The following ZNRF3 variants were observed in gnomAD, a reference collection of about 807,000 sequenced individuals.
The protein encoded by ZNRF3 is E3 ubiquitin-protein ligase ZNRF3.
ZNRF3 carries 23 observed loss-of-function variants against 72.5 expected under a neutral mutation model. The ratio of observed to expected loss-of-function variants is 0.32; its 90% CI spans 0.23 to 0.45. The LOEUF is 0.45. ZNRF3 is among the 20% of genes least tolerant of loss of function. The probability of loss-of-function intolerance (pLI) is 1.00; values close to 1 mark genes in which losing one functional copy is unlikely to be tolerated. For missense variants in ZNRF3, 1,169 were observed against 1,272.1 expected (o/e 0.92, Z 1.23); for synonymous variants, 610 against 545.3 (o/e 1.12, Z -1.65).
intron 1 of ZNRF3, among the ~76,000 whole-genome samples, chr22:28,983,554 C>T (rs537478981): frequency 1.3e-5 from 2 of 152,292 alleles, no homozygotes; most frequent in East Asian, 1.9e-4. Flanking sequence ...CCACATCTGC[C>T]GCTCTCCCAA....
At chr22:29,042,656 C>A (rs978338626) in intron 3 of ZNRF3, 87 bp downstream of exon 3, 2 of 1,193,622 alleles carry the variant, frequency 1.7e-6, no homozygotes, top group East Asian at 2.4e-5. Context: ...GTCATGTCAC[C>A]CTCATCTCAG....
chr22:28,892,161 C>T (rs542228166), intron 1 of ZNRF3, among the ~76,000 whole-genome samples: 10 of 152,328 alleles, frequency 6.6e-5, no homozygotes, highest in East Asian at 1.9e-4. Flanking sequence ...AAACTTACCA[C>T]GAGTGCTACA....
chr22:29,007,443 C>T (rs1268437983), intron 2 of ZNRF3, among the ~76,000 whole-genome samples: 1 of 152,054 alleles, frequency 6.6e-6, no homozygotes, highest in African/African-American at 2.4e-5. Context: ...TCAAGACCAG[C>T]CTGGGAAACA....
At chr22:28,951,859 G>A (rs2035166846) in intron 1 of ZNRF3, among the ~76,000 whole-genome samples, 1 of 152,336 alleles carries the variant, frequency 6.6e-6, no homozygotes, top group Non-Finnish European at 1.5e-5. Context: ...TGGAAAGATG[G>A]ATAGAGATGG....
intron 1 of ZNRF3, among the ~76,000 whole-genome samples, chr22:28,924,686 A>G (rs570474755): frequency 9.6e-4 from 146 of 152,286 alleles, no homozygotes; most frequent in African/African-American, 3.4e-3. Flanking sequence ...ACAGTGAACT[A>G]TGATTGCATC....
rs541809406 is a variant in ZNRF3, at chr22:28,995,561, G to A, written c.426+8360G>A. Among the ~76,000 whole-genome samples the A allele has an allele frequency of 5.3e-5, 8 of 152,350 alleles. No homozygotes were observed. The East Asian group carries it at 5.8e-4, about 11-fold the overall frequency. On this transcript the variant is annotated intron_variant, in intron 2 of 8. Transcript: ENST00000544604. ...AACTCAGGAAGAATCCAGGAAGGGG[G>A]CAGTCACCTTATGATGATGAATGGG...
intron 1 of ZNRF3, among the ~76,000 whole-genome samples, chr22:28,939,586 A>C (rs561233894): frequency 1.3e-5 from 2 of 151,984 alleles, no homozygotes; most frequent in South Asian, 2.1e-4. Context: ...CAGTCTTTGC[A>C]TCCTCAGAGC....
At chr22:28,968,780 G>A (rs752175137) in intron 1 of ZNRF3, among the ~76,000 whole-genome samples, 2 of 152,146 alleles carry the variant, frequency 1.3e-5, no homozygotes, top group South Asian at 2.1e-4. Flanking sequence ...CCCCAGTGTC[G>A]ATTTTGTTGG....
At chr22:28,973,953 C>CTTTTTTTT (rs553300044) in intron 1 of ZNRF3, among the ~76,000 whole-genome samples, 3 of 111,470 alleles carry the variant, frequency 2.7e-5, no homozygotes, top group Non-Finnish European at 3.7e-5. Context: ...CTCTCTCTCT[C>CTTTTTTTT]TTTTTTTTTT....
At chr22:28,925,351 G>A (rs1001056054) in intron 1 of ZNRF3, among the ~76,000 whole-genome samples, 1 of 152,136 alleles carries the variant, frequency 6.6e-6, no homozygotes, top group African/African-American at 2.4e-5. Context: ...CCACAAACCT[G>A]TTTCTGTTAG....
chr22:28,971,726 G>C (rs988522015), intron 1 of ZNRF3, among the ~76,000 whole-genome samples: 1 of 152,160 alleles, frequency 6.6e-6, no homozygotes, highest in Admixed American at 6.5e-5. Flanking sequence ...ATTTTTAAGA[G>C]ATGGTCTCTC....
chr22:28,987,623 G>T (rs928903618), intron 2 of ZNRF3, among the ~76,000 whole-genome samples: 6 of 152,308 alleles, frequency 3.9e-5, no homozygotes, highest in Non-Finnish European at 5.9e-5. Context: ...ACCTCCAAGA[G>T]ACATGGGGAG....
At chr22:28,921,666 G>T (rs957122195) in intron 1 of ZNRF3, among the ~76,000 whole-genome samples, 1 of 152,172 alleles carries the variant, frequency 6.6e-6, no homozygotes, top group African/African-American at 2.4e-5. Flanking sequence ...TAACTAGATT[G>T]TAAGTTCACT....
chr22:29,051,897 A>AGTT (rs2037214001), intron 8 of ZNRF3, among the ~76,000 whole-genome samples: 1 of 151,140 alleles, frequency 6.6e-6, no homozygotes, highest in African/African-American at 2.4e-5. Flanking sequence ...AAAAAAAAAA[A>AGTT]AACCTAGGCC....
Position 28,883,584 on chromosome 22 carries a change from C to A in ZNRF3, c.-183C>A. The A allele has an allele frequency of 2.0e-6, 1 of 498,690 alleles. No individual in the cohort carries two copies. The highest frequency in any genetic ancestry group is 8.5e-5 in the South Asian group (1 of 11,782). The allele number at this position is 498,690 out of a possible 1,614,324, so 30.9% of individuals were successfully genotyped here. A position where few individuals can be genotyped will look rare whatever the true frequency, so the allele number is the denominator to read the frequency against. The stretch of plus-strand genomic sequence containing the variant: ...CTGCCGGGGCGGGGATAACCCCTCA[C>A]GTGGAGCAGATGAAAGGGCCGCGGC... On this transcript the variant is annotated 5_prime_UTR_variant, in exon 1 of 9. Coordinates refer to ENST00000544604, the MANE Select transcript of ZNRF3 (RefSeq NM_001206998.2). This position sits in a 1 kb window ranked among gnomAD's most constrained non-coding sequence, Gnocchi z 5.5.
At chr22:28,966,244 A>G (rs1051323856) in intron 1 of ZNRF3, among the ~76,000 whole-genome samples, 1 of 152,274 alleles carries the variant, frequency 6.6e-6, no homozygotes, top group Non-Finnish European at 1.5e-5. Flanking sequence ...CAGAGTGAAC[A>G]GAGTGAAAAC....
At position 28,883,801 on chromosome 22, in the gene ZNRF3, C is replaced by G. The variant is rs1478686442; in HGVS notation, c.35C>G (p.Thr12Arg). 2.0e-6 allele frequency: 2 copies of G among 979,082 alleles called. No individual in the cohort carries two copies. The highest frequency in any genetic ancestry group is 3.6e-5 in the African/African-American group (2 of 56,268). 60.6% of individuals were successfully genotyped at this position (979,082 alleles called of 1,614,324 possible). The part of the protein sequence containing the change: ...RPRSGGRPGA[T>R]GRRRRRLRRR... ...CGCTCGGGCGGGCGCCCAGGGGCCA[C>G]GGGCCGCCGCCGCCGCCGCCTGCGC... The change falls in exon 1 of 9, where the codon ACG becomes AGG. Residue 12 changes from threonine (T) to arginine (R), a missense_variant. Around this residue, in one of 2 missense-constraint regions of ZNRF3, gnomAD observed 386 missense variants for 540.7 expected, o/e 0.71. Transcript: ENST00000544604. This position sits in a 1 kb window ranked among gnomAD's most constrained non-coding sequence, Gnocchi z 5.5.
intron 2 of ZNRF3, among the ~76,000 whole-genome samples, chr22:28,995,806 C>G (rs1601642962): frequency 1.3e-5 from 2 of 151,428 alleles, no homozygotes; most frequent in African/African-American, 4.9e-5. Context: ...GACAGGATCT[C>G]ACTCTGTCAC....
chr22:28,909,844 C>T (rs1230143957), intron 1 of ZNRF3, among the ~76,000 whole-genome samples: 4 of 150,490 alleles, frequency 2.7e-5, no homozygotes, highest in Non-Finnish European at 5.9e-5. Context: ...CCATTCACCT[C>T]GGCCTTCCAA....
Sources: allele counts gnomAD v4.1 joint callset (sites outside exome capture counted in the v4.1 genomes callset), GRCh38; gene constraint gnomAD v4.1.1; regional missense constraint gnomAD v4.1.1; non-coding constraint Gnocchi (gnomAD v3.1); transcripts MANE v1.5; gene names NCBI Gene and HGNC (gene_info 2026-07-23, HGNC 2026-07-21).